Variants in LUZP2 observed in about 807,000 individuals in gnomAD.
LUZP2 encodes the protein leucine zipper protein 2.
In LUZP2, 52 loss-of-function variants were observed where a neutral mutation model predicts 51.6. The ratio of observed to expected loss-of-function variants is 1.01; its 90% CI spans 0.81 to 1.27. The LOEUF (loss-of-function observed/expected upper bound fraction) is 1.27, where lower values mean the gene tolerates loss of function less well. Among genes scored for constraint, LUZP2 ranks in the 50% most tolerant of loss-of-function variants. The pLI is 0.00. For synonymous variants in LUZP2, 154 were observed against 137.3 expected (o/e 1.12, Z -0.85); for missense variants, 436 against 395.4 (o/e 1.10, Z -0.87).
At chr11:24,746,142 A>G (rs773212891) in intron 4 of LUZP2, among the ~76,000 whole-genome samples, 31 of 152,068 alleles carry the variant, frequency 2.0e-4, no homozygotes, top group Non-Finnish European at 3.5e-4. Flanking sequence ...TTTTTGTTTT[A>G]TAGGTCCTGT....
intron 5 of LUZP2, among the ~76,000 whole-genome samples, chr11:24,800,540 C>A (rs1351185149): frequency 1.8e-4 from 26 of 141,150 alleles, no homozygotes; most frequent in South Asian, 2.2e-4. Flanking sequence ...TCATTTAACT[C>A]AAAAAAAAAA....
chr11:24,984,523 T>TA (rs1856130047), intron 9 of LUZP2, among the ~76,000 whole-genome samples: 5 of 93,934 alleles, frequency 5.3e-5, no homozygotes, highest in East Asian at 3.3e-4. Context: ...AATTACATAT[T>TA]TTATATATAT....
intron 1 of LUZP2, among the ~76,000 whole-genome samples, chr11:24,708,822 G>A (rs1202253324): frequency 6.6e-6 from 1 of 152,176 alleles, no homozygotes; most frequent in African/African-American, 2.4e-5. Flanking sequence ...GAGTTCAGAT[G>A]TAATTACCTA....
At chr11:24,825,911 C>A (rs992563929) in intron 5 of LUZP2, among the ~76,000 whole-genome samples, 2 of 151,672 alleles carry the variant, frequency 1.3e-5, no homozygotes, top group African/African-American at 4.8e-5. Flanking sequence ...GTTGGCCGAG[C>A]GCGATGGCTC....
chr11:24,855,395 G>C (rs1469260504), intron 5 of LUZP2, among the ~76,000 whole-genome samples: 1 of 152,046 alleles, frequency 6.6e-6, no homozygotes, highest in East Asian at 1.9e-4. Flanking sequence ...AAAATATCTA[G>C]GCATATGTTT....
At chr11:24,765,440 T>C (rs1860146916) in intron 5 of LUZP2, among the ~76,000 whole-genome samples, 1 of 152,134 alleles carries the variant, frequency 6.6e-6, no homozygotes, top group Admixed American at 6.5e-5. Context: ...CTCCTATGCC[T>C]ATTTTGTTGA....
chr11:24,610,278 A>C (rs866551647), intron 1 of LUZP2, among the ~76,000 whole-genome samples: 1 of 152,234 alleles, frequency 6.6e-6, no homozygotes, highest in Non-Finnish European at 1.5e-5. Flanking sequence ...CAAAGTTGCT[A>C]TAGTAAATTA....
At chr11:24,942,274 A>G (rs931803539) in intron 7 of LUZP2, among the ~76,000 whole-genome samples, 3 of 152,098 alleles carry the variant, frequency 2.0e-5, no homozygotes, top group African/African-American at 7.2e-5. Context: ...TAAATTGTAT[A>G]AAAAATTGCC....
intron 1 of LUZP2, among the ~76,000 whole-genome samples, chr11:24,501,813 A>G (rs971754166): frequency 1.3e-5 from 2 of 152,224 alleles, no homozygotes; most frequent in Non-Finnish European, 2.9e-5. Flanking sequence ...AATGATATAT[A>G]AAACAAAATT....
Position 24,917,655 on chromosome 11 carries a change from T to C in LUZP2, c.522+3117T>C, listed in dbSNP as rs918082770. Among the ~76,000 whole-genome samples the C allele has an allele frequency of 5.3e-5, 8 of 151,986 alleles. No homozygotes were observed. The South Asian group carries it at 8.3e-4, about 16-fold the overall frequency. ...AGATCAGATGGTTGTAGATGTGTGG[T>C]ATTATTTCTGAGGGCTCTGTTCTGT... is the stretch of plus-strand genomic sequence containing the variant. On this transcript the variant is annotated intron_variant, in intron 7 of 11. Coordinates refer to ENST00000336930, the MANE Select transcript of LUZP2 (RefSeq NM_001009909.4).
intron 1 of LUZP2, among the ~76,000 whole-genome samples, chr11:24,510,814 A>G (rs1374041669): frequency 1.3e-5 from 2 of 152,170 alleles, no homozygotes; most frequent in Non-Finnish European, 2.9e-5. Flanking sequence ...CCAAGAAAGT[A>G]TTGTGGACCA....
At chr11:24,870,484 C>CACAG (rs1554927677) in intron 5 of LUZP2, among the ~76,000 whole-genome samples, 1,020 of 22,412 alleles carry the variant, frequency 0.046, 4 homozygotes, top group Non-Finnish European at 0.071. Context: ...CACACACACA[C>CACAG]ACACAGACAC....
intron 7 of LUZP2, among the ~76,000 whole-genome samples, chr11:24,961,949 A>C (rs1297532499): frequency 6.6e-6 from 1 of 151,772 alleles, no homozygotes; most frequent in Non-Finnish European, 1.5e-5. Context: ...CCTGGTGGTG[A>C]CAAAATCTCT....
At position 24,828,360 on chromosome 11, in the gene LUZP2, TTAAATC is replaced by T. The variant is rs577548680; in HGVS notation, c.396+65055_396+65060del. ...CAACTTAGAGCCTACTTTAGATAGTTTAAATCTATTTTAAATTGCATTTGTAAAAAT... is the reference window on the plus strand; with the variant it reads ...CAACTTAGAGCCTACTTTAGATAGTTTATTTTAAATTGCATTTGTAAAAAT... On this transcript the variant is annotated intron_variant, in intron 5 of 11. Coordinates refer to ENST00000336930, the MANE Select transcript of LUZP2 (RefSeq NM_001009909.4). 5.9e-3 allele frequency among the ~76,000 whole-genome samples: 894 copies of T among 152,284 alleles called. 11 individuals are homozygous for T. The highest frequency in any genetic ancestry group is 0.02 in the African/African-American group (829 of 41,562).
intron 5 of LUZP2, among the ~76,000 whole-genome samples, chr11:24,860,980 G>C (rs181382775): frequency 6.6e-6 from 1 of 152,168 alleles, no homozygotes; most frequent in African/African-American, 2.4e-5. Flanking sequence ...ACAGAAGTAG[G>C]CTTCAGAAGA....
At chr11:24,709,373 C>A (rs1857731935) in intron 1 of LUZP2, among the ~76,000 whole-genome samples, 1 of 151,884 alleles carries the variant, frequency 6.6e-6, no homozygotes, top group Non-Finnish European at 1.5e-5. Flanking sequence ...TATACAAAGA[C>A]ATGGGGTTAT....
intron 5 of LUZP2, among the ~76,000 whole-genome samples, chr11:24,831,637 A>C (rs1850708099): frequency 6.6e-6 from 1 of 152,202 alleles, no homozygotes; most frequent in African/African-American, 2.4e-5. Flanking sequence ...AGTCAAACAC[A>C]AACTTGATTG....
chr11:24,926,547 GTA>G (rs1216617441), intron 7 of LUZP2, among the ~76,000 whole-genome samples: 172 of 144,376 alleles, frequency 1.2e-3, no homozygotes, highest in Middle Eastern at 0.012. Context: ...ATATATACGT[GTA>G]TATATATGTG....
intron 5 of LUZP2, among the ~76,000 whole-genome samples, chr11:24,851,667 T>A (rs1851398493): frequency 6.6e-6 from 1 of 152,160 alleles, no homozygotes; most frequent in Admixed American, 6.5e-5. Flanking sequence ...TTTTCTATTG[T>A]GTGGAATAGT....
Sources: gnomAD v4.1 joint callset for allele counts (sites outside exome capture counted in the v4.1 genomes callset) on GRCh38, gnomAD v4.1.1 for gene constraint, MANE v1.5 for transcripts, NCBI Gene and HGNC (gene_info 2026-07-23, HGNC 2026-07-21) for gene names.